HAVCR2: variants seen among roughly 807,000 people sequenced by gnomAD.
HAVCR2 encodes T cell immunoglobulin mucin 3.
Under a neutral mutation model 24.7 loss-of-function variants are expected in HAVCR2, and 13 were observed. The observed-to-expected ratio is 0.53, with a 90% CI of 0.34 to 0.84. The LOEUF (loss-of-function observed/expected upper bound fraction) is 0.84, where lower values mean the gene tolerates loss of function less well. HAVCR2 is among the 40% of genes least tolerant of loss of function. HAVCR2 has a pLI of 0.01. For synonymous variants in HAVCR2, 154 were observed against 143.4 expected, an observed-to-expected ratio of 1.07 and a Z score of -0.53; for missense variants, 343 against 371.2, an observed-to-expected ratio of 0.92 and a Z score of 0.62.
intron 3 of HAVCR2, among the ~76,000 whole-genome samples, chr5:157,100,517 G>A (rs1757152657): frequency 6.6e-6 from 1 of 152,126 alleles, no homozygotes; most frequent in Admixed American, 6.6e-5. Flanking sequence ...AGGGGCACAG[G>A]CCCTGACCTC....
At chr5:157,097,452 G>A (rs1561621458) in intron 4 of HAVCR2, among the ~76,000 whole-genome samples, 1 of 151,894 alleles carries the variant, frequency 6.6e-6, no homozygotes, top group Non-Finnish European at 1.5e-5. Flanking sequence ...TAGAGACAGG[G>A]TGTCACTATG....
At chr5:157,095,534 A>G in intron 4 of HAVCR2, 75 bp from the exon 5 acceptor site, 2 of 1,523,870 alleles carry the variant, frequency 1.3e-6, no homozygotes, top group Non-Finnish European at 1.8e-6. Context: ...AGATTTGTGA[A>G]TTGGACCATC....
chr5:157,104,786 G>A (rs1757222055), intron 2 of HAVCR2, 37 bp from the exon 3 acceptor site: 2 of 1,423,580 alleles, frequency 1.4e-6, no homozygotes, highest in African/African-American at 1.4e-5. Context: ...AAAATTATCT[G>A]AGAGCAGAAA....
intron 5 of HAVCR2, among the ~76,000 whole-genome samples, chr5:157,091,446 CA>C (rs755414299): frequency 0.016 from 1,918 of 116,630 alleles, 26 homozygotes; most frequent in African/African-American, 0.045. Context: ...AACTCTGTCT[CA>C]AAAAAAAAAA....
intron 5 of HAVCR2, among the ~76,000 whole-genome samples, chr5:157,094,622 A>T (rs1408303331): frequency 6.6e-6 from 1 of 151,010 alleles, no homozygotes; most frequent in Non-Finnish European, 1.5e-5. Context: ...ACCTCAAATG[A>T]TCCACCCCCC....
chr5:157,108,866 T>G (rs1213472094), intron 1 of HAVCR2, 60 bp downstream of exon 1: 1 of 1,512,250 alleles, frequency 6.6e-7, no homozygotes, highest in Non-Finnish European at 9.1e-7. Flanking sequence ...TCCTTGTATC[T>G]CTCCCTTGTC....
intron 5 of HAVCR2, among the ~76,000 whole-genome samples, chr5:157,089,523 C>T (rs945103586): frequency 1.4e-5 from 2 of 144,684 alleles, no homozygotes; most frequent in African/African-American, 2.5e-5. Context: ...GCAACGAGAG[C>T]GAAACTCCGT....
chr5:157,105,727 T>C (rs998516906), intron 2 of HAVCR2, among the ~76,000 whole-genome samples: 3 of 152,178 alleles, frequency 2.0e-5, no homozygotes, highest in African/African-American at 4.8e-5. Flanking sequence ...TTAAGTCTGT[T>C]CACCTCCCAG....
At position 157,098,909 on chromosome 5, in the gene HAVCR2, AAGAGAGAG is replaced by A. The variant is rs70984443; in HGVS notation, c.479-16_479-9del. On this transcript the variant is annotated splice_polypyrimidine_tract_variant and intron_variant, in intron 3 of 6. Coordinates refer to ENST00000307851, the MANE Select transcript of HAVCR2 (RefSeq NM_032782.5). ...CCAGTGTCTGTGTCTCTGCTATAAA[AAGAGAGAG>A]AGAGAGAGAGAGAGGAAAAATAGCC... 18 of 1,568,298 alleles carry A rather than the reference AAGAGAGAG, an allele frequency of 1.1e-5. No homozygotes were observed. The African/African-American group carries it at 1.6e-4, about 14-fold the overall frequency.
intron 6 of HAVCR2, among the ~76,000 whole-genome samples, chr5:157,087,664 G>A (rs1376023326): frequency 6.6e-6 from 1 of 152,030 alleles, no homozygotes; most frequent in Non-Finnish European, 1.5e-5. Flanking sequence ...CCAGCACTTT[G>A]GGAGGCTGAG....
chr5:157,096,004 T>C (rs1298709332), intron 4 of HAVCR2, among the ~76,000 whole-genome samples: 1 of 152,002 alleles, frequency 6.6e-6, no homozygotes, highest in Non-Finnish European at 1.5e-5. Flanking sequence ...GGCAGGCGGA[T>C]CACCTGACAT....
intron 4 of HAVCR2, among the ~76,000 whole-genome samples, chr5:157,098,571 C>T (rs572973947): frequency 3.5e-4 from 54 of 152,246 alleles, no homozygotes; most frequent in African/African-American, 1.3e-3. Flanking sequence ...ACAGGGTAGA[C>T]AGTTGTGAAA....
chr5:157,092,164 A>G (rs1757013442), intron 5 of HAVCR2, among the ~76,000 whole-genome samples: 1 of 148,308 alleles, frequency 6.7e-6, no homozygotes, highest in Non-Finnish European at 1.5e-5. Flanking sequence ...ATATATATAT[A>G]CACACACACA....
chr5:157,100,993 G>A (rs1453198802), intron 3 of HAVCR2, among the ~76,000 whole-genome samples: 1 of 152,144 alleles, frequency 6.6e-6, no homozygotes, highest in African/African-American at 2.4e-5. Flanking sequence ...CTACTCAGGA[G>A]GCTGAGGCAG....
intron 3 of HAVCR2, among the ~76,000 whole-genome samples, chr5:157,100,485 A>AGGGGACAGAGCAGGAAACAAGAG (rs1311224184): frequency 2.4e-4 from 36 of 152,312 alleles, no homozygotes; most frequent in African/African-American, 6.7e-4. Flanking sequence ...CTCTAGGCAC[A>AGGGGACAGAGCAGGAAACAAGAG]GGGGACAGAG....
At chr5:157,092,931 G>T (rs959904922) in intron 5 of HAVCR2, among the ~76,000 whole-genome samples, 5 of 122,446 alleles carry the variant, frequency 4.1e-5, no homozygotes, top group African/African-American at 1.6e-4. Flanking sequence ...AGCCAGGTGT[G>T]GTGGCATATG....
At chr5:157,102,421 G>A (rs1428769360) in intron 3 of HAVCR2, among the ~76,000 whole-genome samples, 1 of 152,052 alleles carries the variant, frequency 6.6e-6, no homozygotes, top group East Asian at 1.9e-4. Flanking sequence ...GAGTTGGTTT[G>A]CCAGCAGCCA....
intron 4 of HAVCR2, among the ~76,000 whole-genome samples, chr5:157,095,802 A>G (rs766122962): frequency 3.3e-5 from 5 of 151,820 alleles, no homozygotes; most frequent in Non-Finnish European, 7.4e-5. Flanking sequence ...TTGGTTCAAG[A>G]TCCCCTAAGA....
At chr5:157,101,964 T>G (rs142668006) in intron 3 of HAVCR2, among the ~76,000 whole-genome samples, 2,319 of 139,668 alleles carry the variant, frequency 0.017, 22 homozygotes, top group Non-Finnish European at 0.027. Flanking sequence ...TTTTTTTTTT[T>G]GGGATGGAAT....
Sources: gnomAD v4.1 joint callset for allele counts (sites outside exome capture counted in the v4.1 genomes callset) on GRCh38, gnomAD v4.1.1 for gene constraint, MANE v1.5 for transcripts, NCBI Gene and HGNC (gene_info 2026-07-23, HGNC 2026-07-21) for gene names.